PHLPP2: variants seen among roughly 807,000 people sequenced by gnomAD.
PHLPP2 encodes PH domain leucine-rich repeat-containing protein phosphatase 2.
In PHLPP2, 66 loss-of-function variants were observed where a neutral mutation model predicts 124.9. That is an observed-to-expected ratio of 0.53 (90% CI 0.43 to 0.65). PHLPP2 has a LOEUF of 0.65. PHLPP2 is among the 30% of genes least tolerant of loss of function. The pLI is 0.00. For synonymous variants in PHLPP2, 681 were observed against 624.7 expected (o/e 1.09, Z -1.34); for missense variants, 1,685 against 1,600.4 (o/e 1.05, Z -0.90).
At chr16:71,710,837 C>T (rs2045318977) in intron 2 of PHLPP2, among the ~76,000 whole-genome samples, 3 of 152,176 alleles carry the variant, frequency 2.0e-5, no homozygotes, top group Admixed American at 2.0e-4. Context: ...TTACAGATTA[C>T]TACACTGAAG....
rs749779800 is a variant in PHLPP2 at position 71,664,129 on chromosome 16, CTTTAAG to C, written c.1785-36_1785-31del. The C allele has an allele frequency of 5.1e-5, 76 of 1,486,252 alleles. No individual in the cohort carries two copies. The African/African-American group carries it at 8.8e-4, about 17-fold the overall frequency. 92.1% of individuals were successfully genotyped at this position (1,486,252 alleles called of 1,614,324 possible). A position where few individuals can be genotyped will look rare whatever the true frequency, so the allele number is the denominator to read the frequency against. On this transcript the variant is annotated intron_variant, in intron 12 of 18. Coordinates refer to ENST00000568954, the MANE Select transcript of PHLPP2 (RefSeq NM_015020.3). ...CAGAACACACACAGATCATCACCTC[CTTTAAG>C]TTTATTTGCTGCCTTCCTATATAGA...
chr16:71,721,433 A>T (rs150482922), intron 1 of PHLPP2, among the ~76,000 whole-genome samples: 1 of 152,186 alleles, frequency 6.6e-6, no homozygotes, highest in African/African-American at 2.4e-5. Context: ...ACATAGCAAG[A>T]CCCCATCTCT....
chr16:71,648,711 C>A lies in PHLPP2; in HGVS notation c.*179G>T. The A allele has an allele frequency of 1.7e-6, 1 of 591,604 alleles. No individual in the cohort carries two copies. The highest frequency in any genetic ancestry group is 3.0e-6 in the Non-Finnish European group (1 of 334,378). The allele number at this position is 591,604 out of a possible 1,614,324, so 36.6% of individuals were successfully genotyped here. A position where few individuals can be genotyped will look rare whatever the true frequency, so the allele number is the denominator to read the frequency against. On this transcript the variant is annotated 3_prime_UTR_variant, in exon 19 of 19. Transcript: ENST00000568954. ...GGCTTGAACCCAGGGACAGAGGCTG[C>A]AGTGACCCGAGACCCCACCATTGCA...
chr16:71,668,504 G>A (rs964908640), intron 11 of PHLPP2, among the ~76,000 whole-genome samples: 1 of 149,004 alleles, frequency 6.7e-6, no homozygotes, highest in Non-Finnish European at 1.5e-5. Flanking sequence ...GCTCACGCCT[G>A]TAATCTCAAC....
intron 15 of PHLPP2, among the ~76,000 whole-genome samples, chr16:71,657,239 G>A (rs916811883): frequency 1.3e-4 from 20 of 151,980 alleles, no homozygotes; most frequent in Admixed American, 9.2e-4. Context: ...CACCGCTCCC[G>A]GCTAATTTTT....
rs778481434 is a variant in PHLPP2 at position 71,672,271 on chromosome 16, T to C, written c.1523A>G (p.Asp508Gly). The change falls in exon 10 of 19, where the codon GAT becomes GGT. Residue 508 changes from aspartate (D) to glycine (G), a missense_variant. Physicochemically the swap from Asp to Gly is moderately conservative, Grantham distance 94. Transcript: ENST00000568954. ...CATGAAAGACACTCACCGGGAGAGA[T>C]CCAAGAAAGTGAGCAGGCTGGGTAC... ...YPVPSLLTFL[D>G]LSRNLLECVP... The C allele has an allele frequency of 1.2e-5, 20 of 1,612,824 alleles. No individual in the cohort carries two copies. The highest frequency in any genetic ancestry group is 1.5e-5 in the Non-Finnish European group (18 of 1,179,060).
intron 18 of PHLPP2, among the ~76,000 whole-genome samples, chr16:71,651,335 C>T (rs976190483): frequency 1.1e-4 from 16 of 149,132 alleles, no homozygotes; most frequent in African/African-American, 3.2e-4. Context: ...CGAAATTCTG[C>T]CTCAAAAAAA....
chr16:71,723,903 G>C (rs1388663280), intron 1 of PHLPP2: 2 of 868,582 alleles, frequency 2.3e-6, no homozygotes, highest in Non-Finnish European at 2.9e-6. Context: ...CCCGGCCCGC[G>C]CGACGGCGTG....
rs181604401 is a variant in PHLPP2 at position 71,715,890 on chromosome 16, G to A, written c.-6-1089C>T. Reference sequence around the variant, plus strand: ...ACGTGCCTGTAATCCCAGCTACTTGGGAGGCTGAGGTAGGAGAATCACTTG... The same window carrying A: ...ACGTGCCTGTAATCCCAGCTACTTGAGAGGCTGAGGTAGGAGAATCACTTG... On this transcript the variant is annotated intron_variant, in intron 1 of 18. Transcript: ENST00000568954. Among the ~76,000 whole-genome samples, 11 of 151,386 alleles carry A rather than the reference G, an allele frequency of 7.3e-5. No individual in the cohort carries two copies. In the East Asian group the frequency reaches 2.1e-3, roughly 29 times the overall value.
intron 1 of PHLPP2, among the ~76,000 whole-genome samples, chr16:71,717,752 G>A (rs779870955): frequency 6.6e-5 from 10 of 152,028 alleles, no homozygotes; most frequent in Non-Finnish European, 1.3e-4. Context: ...ACAAAGCTCC[G>A]CATTCTCTAC....
Position 71,656,577 on chromosome 16 carries a change from C to T in PHLPP2, c.2384G>A (p.Arg795Lys). ...SHGLAEMAGQ[R>K]NKLCVSALAM... ...CCATGGCCAATATACTCACTTATTTCTCTGCCCTGCCATCTCAGCCAGTCC... is the reference window on the plus strand; with the variant it reads ...CCATGGCCAATATACTCACTTATTTTTCTGCCCTGCCATCTCAGCCAGTCC... Residue 795 changes from arginine to lysine, a missense_variant, in exon 16 of 19, where the codon AGA becomes AAA. Arg to Lys is a conservative substitution (Grantham distance 26). Coordinates refer to ENST00000568954, the MANE Select transcript of PHLPP2 (RefSeq NM_015020.3). 2 of 1,598,220 alleles carry T rather than the reference C, an allele frequency of 1.3e-6. No individual in the cohort carries two copies. The highest frequency in any genetic ancestry group is 1.7e-6 in the Non-Finnish European group (2 of 1,165,684).
At chr16:71,685,758 A>G (rs2045049465) in intron 4 of PHLPP2, among the ~76,000 whole-genome samples, 1 of 152,240 alleles carries the variant, frequency 6.6e-6, no homozygotes, top group Non-Finnish European at 1.5e-5. Flanking sequence ...TGAAAAGTAC[A>G]GAGAATCATA....
intron 3 of PHLPP2, among the ~76,000 whole-genome samples, chr16:71,697,215 T>TAAATAAATAATAA (rs1555547739): frequency 7.3e-5 from 6 of 82,578 alleles, no homozygotes; most frequent in African/African-American, 1.9e-4. Flanking sequence ...AATAAATAAA[T>TAAATAAATAATAA]AAAAAGAAAC....
Position 71,701,130 on chromosome 16 carries a change from C to T in PHLPP2, c.418+1468G>A, listed in dbSNP as rs575592779. Among the ~76,000 whole-genome samples, 59 of 152,240 alleles carry T rather than the reference C, an allele frequency of 3.9e-4. No individual in the cohort carries two copies. The South Asian group carries it at 0.012, about 32-fold the overall frequency. Reference sequence around the variant, plus strand: ...TCAGATGACTAAAATCTCATGAAACCCAAGCCAGGACCATCCCTCCAGCTA... The same window carrying T: ...TCAGATGACTAAAATCTCATGAAACTCAAGCCAGGACCATCCCTCCAGCTA... On this transcript the variant is annotated intron_variant, in intron 3 of 18. Coordinates refer to ENST00000568954, the MANE Select transcript of PHLPP2 (RefSeq NM_015020.3).
At chr16:71,722,554 T>C (rs2045405061) in intron 1 of PHLPP2, among the ~76,000 whole-genome samples, 1 of 152,252 alleles carries the variant, frequency 6.6e-6, no homozygotes, top group Non-Finnish European at 1.5e-5. Flanking sequence ...CGTGTTCCCA[T>C]CTTTGTAACA....
chr16:71,662,376 G>A (rs2044799756), intron 13 of PHLPP2, among the ~76,000 whole-genome samples: 2 of 151,708 alleles, frequency 1.3e-5, no homozygotes, highest in East Asian at 2.0e-4. Context: ...GTTGCAGTGA[G>A]CCAAGACCAC....
At chr16:71,673,335 T>C (rs1161845542) in intron 9 of PHLPP2, among the ~76,000 whole-genome samples, 1 of 152,184 alleles carries the variant, frequency 6.6e-6, no homozygotes, top group Admixed American at 6.5e-5. Context: ...GCCCCTGGGA[T>C]TTTTAGGCCT....
chr16:71,723,159 C>G (rs773213585), intron 1 of PHLPP2: 2 of 152,306 alleles, frequency 1.3e-5, no homozygotes, highest in African/African-American at 2.4e-5. Flanking sequence ...GTCCCCGCGA[C>G]GCAGCTCCAG....
intron 1 of PHLPP2, chr16:71,723,805 G>A (rs1453931562): frequency 3.2e-5 from 41 of 1,292,850 alleles, no homozygotes; most frequent in Non-Finnish European, 3.9e-5. Context: ...GGCGGCTCGC[G>A]GGCGCTTCGG....
Sources: gnomAD v4.1 joint callset for allele counts (sites outside exome capture counted in the v4.1 genomes callset) on GRCh38, gnomAD v4.1.1 for gene constraint, MANE v1.5 for transcripts, NCBI Gene and HGNC (gene_info 2026-07-23, HGNC 2026-07-21) for gene names.